NMNAT3: variants seen among roughly 807,000 people sequenced by gnomAD.
NMNAT3 encodes the protein nicotinamide/nicotinic acid mononucleotide adenylyltransferase 3.
In NMNAT3, 21 loss-of-function variants were observed where a neutral mutation model predicts 24.8. That is an observed-to-expected ratio of 0.85 (90% CI 0.60 to 1.22). NMNAT3 has a LOEUF of 1.22. Among genes scored for constraint, NMNAT3 ranks in the 50% most tolerant of loss-of-function variants. The pLI, the probability that NMNAT3 is intolerant of heterozygous loss-of-function variation, is 0.00. For synonymous variants in NMNAT3, 136 were observed against 155.2 expected, an observed-to-expected ratio of 0.88 and a Z score of 0.92; for missense variants, 387 against 436.6, an observed-to-expected ratio of 0.89 and a Z score of 1.01.
intron 1 of NMNAT3, among the ~76,000 whole-genome samples, chr3:139,639,948 A>G (rs1306427920): frequency 6.6e-6 from 1 of 152,152 alleles, no homozygotes; most frequent in Non-Finnish European, 1.5e-5. Context: ...CTCCTTCCAT[A>G]TATAATACAA....
At chr3:139,642,047 T>C (rs1329692857) in intron 1 of NMNAT3, among the ~76,000 whole-genome samples, 2 of 152,174 alleles carry the variant, frequency 1.3e-5, no homozygotes, top group Admixed American at 6.5e-5. Flanking sequence ...AGAGCACTGA[T>C]GAGAAAGCCC....
At chr3:139,618,280 G>T (rs369392051) in intron 3 of NMNAT3, among the ~76,000 whole-genome samples, 1 of 152,160 alleles carries the variant, frequency 6.6e-6, no homozygotes. Context: ...ATCTACAGAC[G>T]TAAGTTCCTT....
intron 3 of NMNAT3, chr3:139,609,959 A>G (rs940624848): frequency 3.3e-5 from 5 of 152,230 alleles, no homozygotes; most frequent in Admixed American, 6.5e-5. Context: ...AAGGAATAAG[A>G]CAGTAAAACT....
At chr3:139,607,707 T>C (rs2055009092) in intron 3 of NMNAT3, among the ~76,000 whole-genome samples, 1 of 152,182 alleles carries the variant, frequency 6.6e-6, no homozygotes, top group Non-Finnish European at 1.5e-5. Flanking sequence ...CAGAGCTATA[T>C]AAAGAGGAAC....
At position 139,596,910 on chromosome 3, in the gene NMNAT3, A is replaced by ATGTG. The variant is rs201904484; in HGVS notation, c.110-13706_110-13703dup. 5.6e-3 allele frequency among the ~76,000 whole-genome samples: 287 copies of ATGTG among 51,572 alleles called. 7 individuals are homozygous for ATGTG. The highest frequency in any genetic ancestry group is 5.9e-3 in the Non-Finnish European group (176 of 29,612). The allele number at this position is 51,572 out of a possible 152,430, so 33.8% of individuals were successfully genotyped here. On this transcript the variant is annotated intron_variant, in intron 3 of 6. Coordinates refer to ENST00000643695, the MANE Select transcript of NMNAT3 (RefSeq NM_001320510.2). ...ATCTTTTTTCCACTATATTTTTGTC[A>ATGTG]TGTGTGTATATATATATATATATAT...
chr3:139,674,255 C>T (rs944349053), intron 1 of NMNAT3, among the ~76,000 whole-genome samples: 5 of 152,210 alleles, frequency 3.3e-5, no homozygotes, highest in African/African-American at 1.2e-4. Context: ...CAATAGATTG[C>T]CTTTCTATTC....
chr3:139,599,996 G>T lies in NMNAT3; in HGVS notation c.110-16788C>A, dbSNP rs546757249. Among the ~76,000 whole-genome samples, 5 of 152,316 alleles carry T rather than the reference G, an allele frequency of 3.3e-5. No homozygotes were observed. The East Asian group carries it at 9.7e-4, about 29-fold the overall frequency. On this transcript the variant is annotated intron_variant, in intron 3 of 6. Coordinates refer to ENST00000643695, the MANE Select transcript of NMNAT3 (RefSeq NM_001320510.2). ...GGGACCACGGTGGCCATTACTGGAA[G>T]TGTGATCATCTGCCCTCTCTCCTCA...
chr3:139,630,834 A>G (rs2056265293), intron 2 of NMNAT3, among the ~76,000 whole-genome samples: 1 of 152,184 alleles, frequency 6.6e-6, no homozygotes, highest in African/African-American at 2.4e-5. Flanking sequence ...AAAGTGTGCC[A>G]AGCTATTCAC....
At chr3:139,615,417 TTCTATCTATCTA>T (rs145198692) in intron 3 of NMNAT3, among the ~76,000 whole-genome samples, 16 of 140,234 alleles carry the variant, frequency 1.1e-4, no homozygotes, top group East Asian at 4.3e-4. Flanking sequence ...CACACACATT[TTCTATCTATCTA>T]TCTATCTATC....
chr3:139,632,225 C>A (rs2056329218), intron 2 of NMNAT3, among the ~76,000 whole-genome samples: 1 of 152,148 alleles, frequency 6.6e-6, no homozygotes, highest in Non-Finnish European at 1.5e-5. Context: ...CTGTCCCAGT[C>A]AATGGAATGA....
At chr3:139,662,842 A>AC (rs961255263) in intron 1 of NMNAT3, among the ~76,000 whole-genome samples, 37 of 151,274 alleles carry the variant, frequency 2.4e-4, no homozygotes, top group African/African-American at 8.7e-4. Context: ...TCTTTTAATG[A>AC]CCCCCCAATC....
chr3:139,579,613 C>T (rs1031210621), intron 4 of NMNAT3, among the ~76,000 whole-genome samples: 4 of 152,106 alleles, frequency 2.6e-5, no homozygotes, highest in South Asian at 2.1e-4. Flanking sequence ...AGTGGGAAAG[C>T]GTACTTTGAA....
intron 3 of NMNAT3, among the ~76,000 whole-genome samples, chr3:139,613,071 T>C (rs929114979): frequency 2.6e-5 from 4 of 152,274 alleles, no homozygotes; most frequent in African/African-American, 9.6e-5. Flanking sequence ...GACATAGGCA[T>C]GGGCAAGGAC....
chr3:139,620,837 A>T (rs1376881777), intron 3 of NMNAT3, among the ~76,000 whole-genome samples: 3 of 152,176 alleles, frequency 2.0e-5, no homozygotes, highest in South Asian at 2.1e-4. Flanking sequence ...GCTGTCATCT[A>T]TGACATTGTG....
chr3:139,576,436 A>G (rs1201212641), intron 5 of NMNAT3: 1 of 212,138 alleles, frequency 4.7e-6, no homozygotes, highest in African/African-American at 2.3e-5. Flanking sequence ...TTATGAAAAT[A>G]GCAATGTTTA....
intron 1 of NMNAT3, among the ~76,000 whole-genome samples, chr3:139,648,636 CAAAT>C (rs1354683332): frequency 6.6e-6 from 1 of 152,136 alleles, no homozygotes; most frequent in Non-Finnish European, 1.5e-5. Context: ...TATCTTCAAA[CAAAT>C]AGTTTAATTA....
intron 1 of NMNAT3, among the ~76,000 whole-genome samples, chr3:139,659,123 T>C (rs977228044): frequency 2.8e-4 from 43 of 152,380 alleles, no homozygotes; most frequent in African/African-American, 9.9e-4. Context: ...CATTGCTGAA[T>C]GGTGTTCCAT....
intron 3 of NMNAT3, among the ~76,000 whole-genome samples, chr3:139,591,442 A>T (rs943187347): frequency 1.3e-5 from 2 of 152,078 alleles, no homozygotes; most frequent in Non-Finnish European, 2.9e-5. Context: ...AGCAGCCGGG[A>T]AGCTCGAACT....
intron 1 of NMNAT3, among the ~76,000 whole-genome samples, chr3:139,665,132 G>C (rs2057535564): frequency 6.6e-6 from 1 of 152,168 alleles, no homozygotes; most frequent in Non-Finnish European, 1.5e-5. Context: ...TGACCTGGGA[G>C]ACTCTACAGA....
Sources: gnomAD v4.1 joint callset for allele counts (sites outside exome capture counted in the v4.1 genomes callset) on GRCh38, gnomAD v4.1.1 for gene constraint, MANE v1.5 for transcripts, NCBI Gene and HGNC (gene_info 2026-07-23, HGNC 2026-07-21) for gene names.